The following FAM228B variants were observed in gnomAD, a reference collection of about 807,000 sequenced individuals.
FAM228B encodes the protein protein FAM228B.
Under a neutral mutation model 42.6 loss-of-function variants are expected in FAM228B, and 38 were observed. The ratio of observed to expected loss-of-function variants is 0.89; its 90% CI spans 0.69 to 1.17. FAM228B has a LOEUF of 1.17. Among genes scored for constraint, FAM228B ranks in the 50% most tolerant of loss-of-function variants. The pLI is 0.00. For missense variants in FAM228B, 344 were observed against 367.3 expected (o/e 0.94, Z 0.52); for synonymous variants, 109 against 122.3 (o/e 0.89, Z 0.72).
intron 7 of FAM228B, among the ~76,000 whole-genome samples, chr2:24,149,803 A>G (rs1284785954): frequency 6.6e-6 from 1 of 152,158 alleles, no homozygotes; most frequent in African/African-American, 2.4e-5. Flanking sequence ...TTCTGTGTGT[A>G]TTGGGAGTGT....
intron 7 of FAM228B, among the ~76,000 whole-genome samples, chr2:24,153,537 A>G (rs193066798): frequency 1.3e-3 from 197 of 152,214 alleles, no homozygotes; most frequent in Non-Finnish European, 3.4e-4. Flanking sequence ...CTGCTATTCT[A>G]TCCTGCTGTG....
Position 24,125,809 on chromosome 2 carries a change from C to T in FAM228B, c.99+1349C>T, listed in dbSNP as rs570994614. ...AACTCCTGACCTCAAGTGATCTGCC[C>T]GCCTCGGCCTCCCAAAGTGCTGAGA... is the stretch of plus-strand genomic sequence containing the variant. On this transcript the variant is annotated intron_variant, in intron 2 of 10. Coordinates refer to ENST00000615575, the MANE Select transcript of FAM228B (RefSeq NM_001145710.2). Among the ~76,000 whole-genome samples the T allele has an allele frequency of 4.6e-5, 7 of 152,212 alleles. No individual in the cohort carries two copies. In the South Asian group the frequency reaches 6.2e-4, roughly 14 times the overall value.
At chr2:24,087,494 G>A (rs531856409) in intron 2 of FAM228B, 1 of 152,286 alleles carries the variant, frequency 6.6e-6, no homozygotes, top group Admixed American at 6.5e-5. Flanking sequence ...AAGCACACTC[G>A]AGTTTATGCT....
intron 2 of FAM228B, among the ~76,000 whole-genome samples, chr2:24,090,161 G>A (rs1028666622): frequency 2.6e-5 from 4 of 151,668 alleles, no homozygotes; most frequent in Non-Finnish European, 5.9e-5. Flanking sequence ...CCAGTTACTC[G>A]GGAGGTTGAA....
At chr2:24,130,922 T>C (rs1470710425) in intron 2 of FAM228B, among the ~76,000 whole-genome samples, 1 of 152,222 alleles carries the variant, frequency 6.6e-6, no homozygotes, top group Non-Finnish European at 1.5e-5. Context: ...TTTTATGGTT[T>C]TGGGTTTTAC....
At chr2:24,117,545 T>C (rs1665962147) in intron 3 of FAM228B, among the ~76,000 whole-genome samples, 1 of 151,638 alleles carries the variant, frequency 6.6e-6, no homozygotes, top group Non-Finnish European at 1.5e-5. Flanking sequence ...TGGGTTCAGG[T>C]GATTCTCCTG....
chr2:24,121,350 G>C (rs150064644), upstream of FAM228B: 1,048 of 1,561,990 alleles, frequency 6.7e-4, 3 homozygotes, highest in African/African-American at 5.2e-3. Context: ...ATGGCTGGTG[G>C]CCAGCCAAAT....
At position 24,080,740 on chromosome 2, in the gene FAM228B, A is replaced by T. The variant is rs1414156339; in HGVS notation, c.-289-136A>T. On this transcript the variant is annotated intron_variant, in intron 1 of 10. Transcript: ENST00000613899. This position sits in a 1 kb window ranked among gnomAD's most constrained non-coding sequence, Gnocchi z 4.7. ...AGCAGAGGTAAGACTGATACACAGC[A>T]CTGGCAACTTTGAGACTGGTGGGGC... 8 of 1,564,416 alleles carry T rather than the reference A, an allele frequency of 5.1e-6. No individual in the cohort carries two copies. The African/African-American group carries it at 6.8e-5, about 13-fold the overall frequency.
At chr2:24,108,171 C>A (rs1665729887) in intron 3 of FAM228B, among the ~76,000 whole-genome samples, 3 of 152,114 alleles carry the variant, frequency 2.0e-5, no homozygotes, top group African/African-American at 7.2e-5. Flanking sequence ...ACTAGAAAAT[C>A]TAGAAGTGGA....
chr2:24,158,216 A>G (rs1200178805), intron 7 of FAM228B, among the ~76,000 whole-genome samples: 4 of 1,540 alleles, frequency 2.6e-3, no homozygotes, highest in Non-Finnish European at 2.9e-3. Context: ...TTTTTTTTCC[A>G]AAACATTGTT....
chr2:24,152,833 T>C (rs1667054978), intron 7 of FAM228B, among the ~76,000 whole-genome samples: 1 of 152,182 alleles, frequency 6.6e-6, no homozygotes, highest in Admixed American at 6.5e-5. Flanking sequence ...AGCCAGGGCT[T>C]GAAGTAAAAA....
chr2:24,122,378 T>C (rs768945406), upstream of FAM228B: 7 of 1,348,948 alleles, frequency 5.2e-6, no homozygotes, highest in Non-Finnish European at 6.3e-6. Flanking sequence ...ATAGAAATAA[T>C]AAGTAAATCA....
chr2:24,121,441 A>C, upstream of FAM228B: 1 of 736,570 alleles, frequency 1.4e-6, no homozygotes, highest in Non-Finnish European at 2.2e-6. Context: ...AAAAAATCAA[A>C]AGAATAACAC....
At chr2:24,135,991 T>C (rs1160189603) in intron 3 of FAM228B, among the ~76,000 whole-genome samples, 1 of 151,192 alleles carries the variant, frequency 6.6e-6, no homozygotes, top group Non-Finnish European at 1.5e-5. Flanking sequence ...TTTTTTTTTT[T>C]TTTCCATAGA....
chr2:24,124,448 T>G lies in FAM228B; in HGVS notation c.87T>G (p.Leu29=). The G allele has an allele frequency of 6.5e-7, 1 of 1,549,494 alleles. No individual in the cohort carries two copies. Among genetic ancestry groups the G allele is most frequent in the South Asian group, 1.2e-5 (1 of 83,558 alleles). The change falls in exon 2 of 11, where the codon CTT becomes CTG. Residue 29 remains leucine (L), a synonymous_variant. Coordinates refer to ENST00000615575, the MANE Select transcript of FAM228B (RefSeq NM_001145710.2). ...AAGAATGGTTGGAGCCCAAGCCCCT[T>G]TGTTTTATGGAGGTATATATCAAAT... ...SSKEWLEPKP[L]CFMEVLAKED...
upstream of FAM228B, chr2:24,119,676 T>A: frequency 6.2e-7 from 1 of 1,608,846 alleles, no homozygotes; most frequent in Non-Finnish European, 8.5e-7. Flanking sequence ...ACCACACCAG[T>A]GTTCTCCTGT....
chr2:24,101,848 AATTTTTTGT>A (rs1388001352), intron 3 of FAM228B, among the ~76,000 whole-genome samples: 1 of 152,030 alleles, frequency 6.6e-6, no homozygotes, highest in African/African-American at 2.4e-5. Context: ...ATGCCTGGCT[AATTTTTTGT>A]ATTTTTAGTA....
chr2:24,087,185 C>G (rs1269160460), intron 2 of FAM228B: 1 of 152,188 alleles, frequency 6.6e-6, no homozygotes, highest in East Asian at 1.9e-4. Flanking sequence ...TGGTCTTTGT[C>G]CTGGGTTCCT....
At chr2:24,087,154 G>A (rs1665276918) in intron 2 of FAM228B, 1 of 152,198 alleles carries the variant, frequency 6.6e-6, no homozygotes, top group Admixed American at 6.5e-5. Flanking sequence ...CTTGCAGTGT[G>A]TAATAAGAAA....
Sources: gnomAD v4.1 joint callset for allele counts (sites outside exome capture counted in the v4.1 genomes callset) on GRCh38, gnomAD v4.1.1 for gene constraint, Gnocchi (gnomAD v3.1) non-coding constraint, MANE v1.5 for transcripts, NCBI Gene and HGNC (gene_info 2026-07-23, HGNC 2026-07-21) for gene names.